Variants in NCOA1 observed in about 807,000 individuals in gnomAD.
NCOA1 encodes the protein Hin-2 protein.
Under a neutral mutation model 150.9 loss-of-function variants are expected in NCOA1, and 35 were observed. The observed-to-expected ratio is 0.23, with a 90% confidence interval of 0.18 to 0.31. The LOEUF (loss-of-function observed/expected upper bound fraction) is 0.31, where lower values mean the gene tolerates loss of function less well. NCOA1 is among the 10% of genes least tolerant of loss of function. The pLI is 1.00. For missense variants in NCOA1, 1,491 were observed against 1,749.3 expected, an observed-to-expected ratio of 0.85 and a Z score of 2.63; for synonymous variants, 590 against 630.0, an observed-to-expected ratio of 0.94 and a Z score of 0.95.
At chr2:24,492,475 G>C (rs1244981197) in intron 1 of NCOA1, among the ~76,000 whole-genome samples, 2 of 152,200 alleles carry the variant, frequency 1.3e-5, no homozygotes, top group Non-Finnish European at 2.9e-5. Flanking sequence ...ACACTGCCCA[G>C]TCTGACGACG....
chr2:24,606,030 A>T (rs1668346780), intron 3 of NCOA1, among the ~76,000 whole-genome samples: 1 of 152,122 alleles, frequency 6.6e-6, no homozygotes. Flanking sequence ...TCTACAGTAC[A>T]TTCTGTGTTC....
intron 10 of NCOA1, among the ~76,000 whole-genome samples, chr2:24,696,922 G>A (rs1177405745): frequency 6.6e-6 from 1 of 151,718 alleles, no homozygotes; most frequent in Non-Finnish European, 1.5e-5. Context: ...TTGTGTGACT[G>A]TAAGATTCTG....
intron 14 of NCOA1, among the ~76,000 whole-genome samples, chr2:24,719,706 C>T (rs1399506392): frequency 5.3e-5 from 8 of 152,150 alleles, no homozygotes; most frequent in Non-Finnish European, 1.5e-5. Context: ...CCAGGAATGA[C>T]AGCTGATCCA....
intron 3 of NCOA1, among the ~76,000 whole-genome samples, chr2:24,601,314 G>T (rs1038790925): frequency 3.3e-5 from 5 of 152,004 alleles, no homozygotes; most frequent in Non-Finnish European, 5.9e-5. Flanking sequence ...CTGGGCTCAA[G>T]CGATCTTCCC....
chr2:24,658,658 T>G lies in NCOA1; in HGVS notation c.-17-3T>G, dbSNP rs1003327072. The stretch of plus-strand genomic sequence containing the variant: ...ATTTCTTACTGTTGTCCTTCCTGTT[T>G]AGGTGTGAAGTTTTTCAACATGAGT... On this transcript the variant is annotated splice_polypyrimidine_tract_variant and splice_region_variant and intron_variant, in intron 4 of 22. Transcript: ENST00000348332. 4.4e-6 allele frequency: 7 copies of G among 1,608,082 alleles called. No individual in the cohort carries two copies. The highest frequency in any genetic ancestry group is 1.3e-5 in the African/African-American group (1 of 74,878).
At chr2:24,701,180 T>C (rs942836209) in intron 11 of NCOA1, among the ~76,000 whole-genome samples, 9 of 152,076 alleles carry the variant, frequency 5.9e-5, no homozygotes, top group Non-Finnish European at 1.2e-4. Context: ...TCTTTTCTTG[T>C]CTTTGAAATA....
chr2:24,682,727 C>T (rs1233633304), intron 7 of NCOA1, among the ~76,000 whole-genome samples: 6 of 152,106 alleles, frequency 3.9e-5, no homozygotes, highest in Admixed American at 2.0e-4. Flanking sequence ...ATTAGGCATC[C>T]TTCTGTGTGC....
intron 20 of NCOA1, 71 bp downstream of exon 20, chr2:24,752,227 AGTG>A: frequency 2.0e-6 from 3 of 1,517,882 alleles, no homozygotes; most frequent in Non-Finnish European, 2.7e-6. Context: ...TAAATGCTAC[AGTG>A]GTTGAACCTC....
intron 7 of NCOA1, 71 bp downstream of exon 7, chr2:24,673,534 A>G: frequency 1.1e-6 from 1 of 879,638 alleles, no homozygotes; most frequent in Non-Finnish European, 1.8e-6. Context: ...TTCTTTTTTA[A>G]ATGCCTTATA....
intron 1 of NCOA1, among the ~76,000 whole-genome samples, chr2:24,518,312 A>G (rs1664288319): frequency 6.6e-6 from 1 of 152,170 alleles, no homozygotes; most frequent in Non-Finnish European, 1.5e-5. Context: ...AATTCTCAGC[A>G]AATTAGAAAA....
chr2:24,578,942 A>G (rs1441606809), intron 2 of NCOA1, among the ~76,000 whole-genome samples: 1 of 152,198 alleles, frequency 6.6e-6, no homozygotes, highest in Non-Finnish European at 1.5e-5. Flanking sequence ...CATTACATAT[A>G]AGTGTTAGCA....
At chr2:24,693,047 A>G (rs1333040166) in intron 9 of NCOA1, among the ~76,000 whole-genome samples, 1 of 152,098 alleles carries the variant, frequency 6.6e-6, no homozygotes, top group East Asian at 1.9e-4. Flanking sequence ...GTTTTTTAGT[A>G]GATACAGGGT....
chr2:24,691,434 G>A (rs1201310181), intron 8 of NCOA1, 47 bp from the exon 9 acceptor site: 2 of 1,567,230 alleles, frequency 1.3e-6, no homozygotes, highest in Admixed American at 3.5e-5. Flanking sequence ...CAGAGTTTGT[G>A]CTTTTTCACC....
At chr2:24,512,785 A>G (rs1397079064) in intron 1 of NCOA1, among the ~76,000 whole-genome samples, 5 of 152,188 alleles carry the variant, frequency 3.3e-5, no homozygotes, top group African/African-American at 1.2e-4. Context: ...TGTTCCTTTG[A>G]AACACTACAG....
At chr2:24,560,954 C>G (rs1019696331) in intron 1 of NCOA1, among the ~76,000 whole-genome samples, 3 of 152,068 alleles carry the variant, frequency 2.0e-5, no homozygotes, top group Non-Finnish European at 4.4e-5. Flanking sequence ...AGAAATAAGA[C>G]TTAAATTCAT....
chr2:24,520,669 T>C (rs546731401), intron 1 of NCOA1, among the ~76,000 whole-genome samples: 60 of 152,348 alleles, frequency 3.9e-4, no homozygotes, highest in Middle Eastern at 3.4e-3. Flanking sequence ...TATTGCATTA[T>C]CTGGATTGTG....
intron 3 of NCOA1, among the ~76,000 whole-genome samples, chr2:24,601,434 C>T (rs969999483): frequency 1.4e-4 from 21 of 152,208 alleles, no homozygotes; most frequent in Admixed American, 5.9e-4. Flanking sequence ...AAGCTGGTCT[C>T]GAACTCCTGG....
intron 17 of NCOA1, among the ~76,000 whole-genome samples, chr2:24,730,545 G>C (rs538326350): frequency 1.6e-4 from 25 of 152,206 alleles, no homozygotes; most frequent in Non-Finnish European, 2.5e-4. Flanking sequence ...AGGTTGGAGA[G>C]ATTGATGCCC....
chr2:24,639,361 C>T (rs997364621), intron 3 of NCOA1, among the ~76,000 whole-genome samples: 22 of 151,998 alleles, frequency 1.4e-4, no homozygotes, highest in African/African-American at 4.8e-4. Context: ...TTGTTCAGAA[C>T]ACTATATTTG....
Sources: allele counts gnomAD v4.1 joint callset (sites outside exome capture counted in the v4.1 genomes callset), GRCh38; gene constraint gnomAD v4.1.1; transcripts MANE v1.5; gene names NCBI Gene and HGNC (gene_info 2026-07-23, HGNC 2026-07-21).